Variants in MVB12A observed in about 807,000 individuals in gnomAD.
MVB12A encodes multivesicular body subunit 12A, also known as CIN85/CD2AP family binding protein.
In MVB12A, 30 loss-of-function variants were observed where a neutral mutation model predicts 34.3. The observed-to-expected ratio is 0.88, with a 90% CI of 0.65 to 1.19. The LOEUF (loss-of-function observed/expected upper bound fraction) is 1.19, where lower values mean the gene tolerates loss of function less well. Among genes scored for constraint, MVB12A ranks in the 50% most tolerant of loss-of-function variants. The pLI, the probability that MVB12A is intolerant of heterozygous loss-of-function variation, is 0.00. For synonymous variants in MVB12A, 158 were observed against 158.9 expected, an observed-to-expected ratio of 0.99 and a Z score of 0.04; for missense variants, 355 against 369.2, an observed-to-expected ratio of 0.96 and a Z score of 0.31.
At chr19:17,412,133 C>T (rs1028474222) in intron 2 of MVB12A, among the ~76,000 whole-genome samples, 5 of 152,204 alleles carry the variant, frequency 3.3e-5, no homozygotes. Flanking sequence ...AGAGGTGCCA[C>T]CAGACGTGAC....
At chr19:17,423,926 A>C in intron 6 of MVB12A, 80 bp from the exon 7 acceptor site, 1 of 1,572,810 alleles carries the variant, frequency 6.4e-7, no homozygotes, top group Non-Finnish European at 8.8e-7. Flanking sequence ...TGAAGGAGCC[A>C]GGCTGTGCGG....
Position 17,405,773 on chromosome 19 carries a change from T to C in MVB12A, c.-225+2T>C. 1 of 404,826 alleles carries C rather than the reference T, an allele frequency of 2.5e-6. No homozygotes were observed. Among genetic ancestry groups the C allele is most frequent in the South Asian group, 2.8e-5 (1 of 35,290 alleles). 25.1% of individuals were successfully genotyped at this position (404,826 alleles called of 1,614,324 possible). A position where few individuals can be genotyped will look rare whatever the true frequency, so the allele number is the denominator to read the frequency against. Reference sequence around the variant, plus strand: ...CAGTTTCAGTTTCCCAGAAAGGAGGTGGGCTTTTTTTTCACCCTGCTTTAA... The same window carrying C: ...CAGTTTCAGTTTCCCAGAAAGGAGGCGGGCTTTTTTTTCACCCTGCTTTAA... On this transcript the variant is annotated splice_donor_variant, in intron 1 of 6. Transcript: ENST00000528604. LOFTEE classifies it low-confidence loss of function (5UTR_SPLICE).
intron 2 of MVB12A, among the ~76,000 whole-genome samples, chr19:17,408,244 C>G (rs762399424): frequency 2.3e-4 from 35 of 151,952 alleles, no homozygotes; most frequent in Non-Finnish European, 4.9e-4. Flanking sequence ...TTGCCGCCCA[C>G]AATTACAAAT....
At chr19:17,411,754 C>T (rs1296087221) in intron 2 of MVB12A, among the ~76,000 whole-genome samples, 1 of 151,998 alleles carries the variant, frequency 6.6e-6, no homozygotes, top group Non-Finnish European at 1.5e-5. Context: ...CCTCAGCCTC[C>T]CAAGGTGCTG....
At position 17,410,533 on chromosome 19, in the gene MVB12A, C is replaced by T. The variant is rs1356203998; in HGVS notation, c.-5+4237C>T. 9.0e-4 allele frequency among the ~76,000 whole-genome samples: 54 copies of T among 59,828 alleles called. 1 individual carries two copies. Among genetic ancestry groups the T allele is most frequent in the Middle Eastern group, 9.8e-3 (1 of 102 alleles). 39.2% of individuals were successfully genotyped at this position (59,828 alleles called of 152,430 possible). A position where few individuals can be genotyped will look rare whatever the true frequency, so the allele number is the denominator to read the frequency against. On this transcript the variant is annotated intron_variant, in intron 2 of 6. Transcript: ENST00000528604. The stretch of plus-strand genomic sequence containing the variant: ...ATATATATATATATATATATATACA[C>T]ACACACATATATATATACACACACA...
chr19:17,420,381 C>CCTG lies in MVB12A; in HGVS notation c.160_162dup (p.Leu54dup). 2.5e-6 allele frequency: 4 copies of CCTG among 1,613,860 alleles called. No individual in the cohort carries two copies. Among genetic ancestry groups the CCTG allele is most frequent in the South Asian group, 2.2e-5 (2 of 91,072 alleles). On this transcript the variant is annotated inframe_insertion, in exon 2 of 9. Transcript: ENST00000317040. ...GCTTCGCGCAGAAATCTGGCTACTT[C>CCTG]CTGTGCCTTAGTTCTCTGGGCAGCC... is the stretch of plus-strand genomic sequence containing the variant.
In MVB12A at chr19:17,420,415, A is replaced by C. The variant is rs774465450; in HGVS notation, c.189+4A>C. 2 of 1,613,612 alleles carry C rather than the reference A, an allele frequency of 1.2e-6. No homozygotes were observed. Among genetic ancestry groups the C allele is most frequent in the Non-Finnish European group, 1.7e-6 (2 of 1,179,584 alleles). ...TAGTTCTCTGGGCAGCCTAGAGGTAAGAGGTGCCCACCTTCGGAACCACCA... is the reference window on the plus strand; with the variant it reads ...TAGTTCTCTGGGCAGCCTAGAGGTACGAGGTGCCCACCTTCGGAACCACCA... On this transcript the variant is annotated splice_donor_region_variant and intron_variant, in intron 2 of 8. Coordinates refer to ENST00000317040, the MANE Select transcript of MVB12A (RefSeq NM_138401.4).
intron 2 of MVB12A, among the ~76,000 whole-genome samples, chr19:17,408,401 T>A (rs949356549): frequency 6.7e-6 from 1 of 149,288 alleles, no homozygotes; most frequent in Admixed American, 6.7e-5. Context: ...TATATATATA[T>A]TTTAAGTACA....
rs746927481 is a variant in MVB12A, at chr19:17,422,425, A to G, written c.380A>G (p.Lys127Arg). The change falls in exon 4 of 9, where the codon AAG becomes AGG. Residue 127 changes from lysine (K) to arginine (R), a missense_variant. Physicochemically the swap from Lys to Arg is conservative, Grantham distance 26. Coordinates refer to ENST00000317040, the MANE Select transcript of MVB12A (RefSeq NM_138401.4). ...GTGTTTGATGTCCGGCTGAGTGGGA[A>G]GACCAAGACAGTGCCTGGATACCTT... ...TAVFDVRLSG[K>R]TKTVPGYLRI... The G allele has an allele frequency of 5.6e-6, 9 of 1,613,516 alleles. No individual in the cohort carries two copies. The highest frequency in any genetic ancestry group is 7.6e-6 in the Non-Finnish European group (9 of 1,179,670).
At chr19:17,415,128 TA>T, upstream of MVB12A, 1 of 84,596 alleles carries the variant, frequency 1.2e-5, no homozygotes, top group East Asian at 3.1e-4. Flanking sequence ...GTTTTTTTAC[TA>T]ACCCTATTTT....
At chr19:17,421,644 A>G (rs1314438302) in intron 3 of MVB12A, among the ~76,000 whole-genome samples, 8 of 152,110 alleles carry the variant, frequency 5.3e-5, no homozygotes, top group Admixed American at 5.2e-4. Context: ...CATCAGCTGT[A>G]TGAAACCAGG....
intron 2 of MVB12A, among the ~76,000 whole-genome samples, chr19:17,406,943 T>C (rs2074732809): frequency 6.6e-6 from 1 of 152,158 alleles, no homozygotes; most frequent in African/African-American, 2.4e-5. Context: ...GGACTCCAGG[T>C]GCAAAGACAC....
chr19:17,409,594 A>C (rs1168912658), intron 2 of MVB12A, among the ~76,000 whole-genome samples: 1 of 149,742 alleles, frequency 6.7e-6, no homozygotes, highest in African/African-American at 2.5e-5. Context: ...GATTACAGGC[A>C]TGCGCCACCA....
upstream of MVB12A, chr19:17,417,213 CTTTTTTTTTTTTTTT>C: frequency 5.3e-5 from 5 of 93,544 alleles, no homozygotes; most frequent in Admixed American, 2.8e-4. Flanking sequence ...TCACCCAGAG[CTTTTTTTTTTTTTTT>C]TTTTTTTTTT....
In MVB12A at chr19:17,423,538, G is replaced by T; in HGVS notation, c.454G>T (p.Ala152Ser). The change falls in exon 5 of 9, where the codon GCC becomes TCC. Residue 152 changes from alanine (A) to serine (S), a missense_variant. Physicochemically the swap from Ala to Ser is moderately conservative, Grantham distance 99. Transcript: ENST00000317040. Reference protein sequence around the residue: ...GFAIWCKKAKAPRPVPKPRGL... With the variant: ...GFAIWCKKAKSPRPVPKPRGL... ...TGCCATCTGGTGCAAGAAGGCCAAG[G>T]CCCCGAGGCCAGTGCCCAAGCCCCG... The T allele has an allele frequency of 6.2e-7, 1 of 1,613,760 alleles. No homozygotes were observed. Among genetic ancestry groups the T allele is most frequent in the Middle Eastern group, 1.7e-4 (1 of 5,804 alleles).
chr19:17,422,146 G>A (rs1416973946), intron 3 of MVB12A, 186 bp from the exon 4 acceptor site: 2 of 488,214 alleles, frequency 4.1e-6, no homozygotes, highest in East Asian at 6.6e-5. Context: ...GTTCCTAAAG[G>A]CTGCATGGAA....
At chr19:17,418,575 G>A (rs1174590781), upstream of MVB12A, among the ~76,000 whole-genome samples, 1 of 151,024 alleles carries the variant, frequency 6.6e-6, no homozygotes, top group African/African-American at 2.4e-5. Context: ...TGTACTTTTA[G>A]TAGAAACGGG....
chr19:17,407,770 A>C (rs886913093), intron 2 of MVB12A, among the ~76,000 whole-genome samples: 4 of 152,202 alleles, frequency 2.6e-5, no homozygotes, highest in Admixed American at 6.5e-5. Context: ...GCCCTCCACA[A>C]GAGGTGGAGG....
chr19:17,418,882 A>T (rs1425896244), upstream of MVB12A: 1 of 88,210 alleles, frequency 1.1e-5, no homozygotes. Flanking sequence ...TTCTTATTGT[A>T]AGTCCAAAAA....
Sources: gnomAD v4.1 joint callset for allele counts (sites outside exome capture counted in the v4.1 genomes callset) on GRCh38, gnomAD v4.1.1 for gene constraint, MANE v1.5 for transcripts, NCBI Gene and HGNC (gene_info 2026-07-23, HGNC 2026-07-21) for gene names.